ATXN7L1: variants seen among roughly 807,000 people sequenced by gnomAD.
ATXN7L1 encodes the protein ataxin 7 like 1, also known as ataxin-7-like protein 1.
In ATXN7L1, 15 loss-of-function variants were observed where a neutral mutation model predicts 70.8. The ratio of observed to expected loss-of-function variants is 0.21; its 90% confidence interval spans 0.14 to 0.33. The LOEUF (loss-of-function observed/expected upper bound fraction) is 0.33. Ranked by LOEUF, ATXN7L1 falls within the 10% of genes least tolerant of loss-of-function variation. ATXN7L1 has a pLI of 1.00. For missense variants in ATXN7L1, 975 were observed against 1,097.1 expected (o/e 0.89, Z 1.57); for synonymous variants, 440 against 445.1 (o/e 0.99, Z 0.14).
At chr7:105,729,843 T>C (rs1031688890) in intron 3 of ATXN7L1, among the ~76,000 whole-genome samples, 2 of 152,022 alleles carry the variant, frequency 1.3e-5, no homozygotes, top group Non-Finnish European at 2.9e-5. Context: ...GTTCACGCCA[T>C]TCTCCTGCCT....
chr7:105,684,206 G>T (rs73192194), intron 3 of ATXN7L1, among the ~76,000 whole-genome samples: 9,179 of 152,324 alleles, frequency 0.06, 362 homozygotes, highest in Admixed American at 0.092. Flanking sequence ...TGAATCCCAT[G>T]TCTGCGTTGT....
chr7:105,757,325 C>T (rs940642685), intron 3 of ATXN7L1, among the ~76,000 whole-genome samples: 1 of 152,162 alleles, frequency 6.6e-6, no homozygotes, highest in Non-Finnish European at 1.5e-5. Context: ...ATTTCACAGG[C>T]AGACTGATAT....
chr7:105,776,675 T>C (rs1014956803), intron 3 of ATXN7L1, among the ~76,000 whole-genome samples: 20 of 152,304 alleles, frequency 1.3e-4, no homozygotes, highest in African/African-American at 4.1e-4. Flanking sequence ...CCAGCCACCA[T>C]ATATGCTAAT....
intron 2 of ATXN7L1, among the ~76,000 whole-genome samples, chr7:105,841,183 G>C (rs556412583): frequency 6.6e-6 from 1 of 152,176 alleles, no homozygotes; most frequent in African/African-American, 2.4e-5. Flanking sequence ...TGGGAGGTCG[G>C]GGGGTCAGGC....
At chr7:105,698,122 C>G (rs908245856) in intron 3 of ATXN7L1, among the ~76,000 whole-genome samples, 1 of 152,084 alleles carries the variant, frequency 6.6e-6, no homozygotes, top group African/African-American at 2.4e-5. Flanking sequence ...GGCTTCAATG[C>G]TTGGGCTCTA....
intron 3 of ATXN7L1, among the ~76,000 whole-genome samples, chr7:105,711,259 CAT>C (rs79052328): frequency 0.076 from 11,626 of 152,240 alleles, 510 homozygotes; most frequent in South Asian, 0.14. Context: ...AAATCCAAAG[CAT>C]ATCATCTGTC....
chr7:105,659,208 CAT>C (rs1033044622), intron 4 of ATXN7L1, among the ~76,000 whole-genome samples: 1 of 152,186 alleles, frequency 6.6e-6, no homozygotes, highest in African/African-American at 2.4e-5. Flanking sequence ...GTAAAATTAA[CAT>C]GTGTGTCACA....
chr7:105,667,639 C>T (rs1353183620), intron 3 of ATXN7L1, among the ~76,000 whole-genome samples: 1 of 89,772 alleles, frequency 1.1e-5, no homozygotes, highest in Non-Finnish European at 2.3e-5. Context: ...GCGGAGCTTG[C>T]GGTGAGCCGA....
chr7:105,718,623 A>C (rs896328382), intron 3 of ATXN7L1, among the ~76,000 whole-genome samples: 1 of 152,202 alleles, frequency 6.6e-6, no homozygotes, highest in Non-Finnish European at 1.5e-5. Context: ...TCTGCAGTTG[A>C]CGGCAGGAGC....
intron 3 of ATXN7L1, among the ~76,000 whole-genome samples, chr7:105,751,251 C>T (rs1323535151): frequency 6.6e-6 from 1 of 152,048 alleles, no homozygotes; most frequent in Non-Finnish European, 1.5e-5. Context: ...ATAAAACTCT[C>T]AATGGAGTTA....
chr7:105,832,730 T>C (rs1811798263), intron 2 of ATXN7L1, among the ~76,000 whole-genome samples: 1 of 152,156 alleles, frequency 6.6e-6, no homozygotes, highest in Admixed American at 6.5e-5. Flanking sequence ...AACTACTGAT[T>C]TCTCTCCTCC....
chr7:105,819,818 C>T lies in ATXN7L1; in HGVS notation c.251-31110G>A, dbSNP rs191337161. ...CTCAAGGTGTTTGACGGCATCCCAC[C>T]GCCCTATGACATGAAAAAGCGGATG... On this transcript the variant is annotated intron_variant, in intron 2 of 11. Transcript: ENST00000419735. The T allele has an allele frequency of 4.4e-4, 278 of 634,564 alleles. 1 individual carries two copies. In the African/African-American group the frequency reaches 4.8e-3, roughly 11 times the overall value. The allele number at this position is 634,564 out of a possible 1,614,324, so 39.3% of individuals were successfully genotyped here.
intron 3 of ATXN7L1, chr7:105,678,019 G>A: frequency 1.0e-6 from 1 of 985,158 alleles, no homozygotes; most frequent in Non-Finnish European, 1.2e-6. Flanking sequence ...GTGGCAGTTG[G>A]CAGCGGCAAA....
At chr7:105,872,596 T>C (rs1286222719) in intron 2 of ATXN7L1, among the ~76,000 whole-genome samples, 2 of 152,130 alleles carry the variant, frequency 1.3e-5, no homozygotes, top group African/African-American at 2.4e-5. Flanking sequence ...ACTCCACTTA[T>C]ATGAGGTATC....
At chr7:105,679,244 GGTTGT>G in intron 3 of ATXN7L1, 2 of 744,634 alleles carry the variant, frequency 2.7e-6, no homozygotes, top group African/African-American at 1.9e-5. Context: ...GAACAGTCAG[GGTTGT>G]ATCCTGAATT....
intron 2 of ATXN7L1, among the ~76,000 whole-genome samples, chr7:105,813,824 TC>T (rs1006195754): frequency 6.6e-6 from 1 of 152,102 alleles, no homozygotes; most frequent in East Asian, 1.9e-4. Context: ...TCTCTTTTTT[TC>T]CCCCAGTATC....
At chr7:105,705,972 T>C (rs375751707) in intron 3 of ATXN7L1, among the ~76,000 whole-genome samples, 3 of 152,184 alleles carry the variant, frequency 2.0e-5, no homozygotes, top group Non-Finnish European at 1.5e-5. Context: ...AACTTTTTCT[T>C]AGTACTGGTA....
intron 7 of ATXN7L1, among the ~76,000 whole-genome samples, chr7:105,635,504 T>G (rs141394072): frequency 6.6e-6 from 1 of 152,318 alleles, no homozygotes; most frequent in East Asian, 1.9e-4. Flanking sequence ...CTTTCTCACT[T>G]CACTCTGATT....
chr7:105,803,546 A>G (rs1299712396), intron 2 of ATXN7L1, among the ~76,000 whole-genome samples: 1 of 152,076 alleles, frequency 6.6e-6, no homozygotes, highest in Admixed American at 6.6e-5. Context: ...AACACCTTCC[A>G]CCTTTACTGC....
Sources: gnomAD v4.1 joint callset for allele counts (sites outside exome capture counted in the v4.1 genomes callset) on GRCh38, gnomAD v4.1.1 for gene constraint, MANE v1.5 for transcripts, NCBI Gene and HGNC (gene_info 2026-07-23, HGNC 2026-07-21) for gene names.